The following HLCS variants were observed in gnomAD, a reference collection of about 807,000 sequenced individuals.
HLCS encodes the protein biotin--protein ligase.
In HLCS, 53 loss-of-function variants were observed where a neutral mutation model predicts 75.0. The ratio of observed to expected loss-of-function variants is 0.71; its 90% CI spans 0.57 to 0.89. HLCS has a LOEUF of 0.89. HLCS is among the 40% of genes least tolerant of loss of function. The pLI is 0.00. For missense variants in HLCS, 966 were observed against 1,074.0 expected (o/e 0.90, Z 1.41); for synonymous variants, 431 against 428.6 (o/e 1.01, Z -0.07).
chr21:36,752,948 A>G lies in HLCS; in HGVS notation c.*1298T>C, dbSNP rs896194556. 6.5e-6 allele frequency: 1 copy of G among 152,680 alleles called. No homozygotes were observed. The highest frequency in any genetic ancestry group is 2.4e-5 in the African/African-American group (1 of 41,472). The allele number at this position is 152,680 out of a possible 1,614,324, so 9.5% of individuals were successfully genotyped here. On this transcript the variant is annotated 3_prime_UTR_variant, in exon 11 of 11. Transcript: ENST00000674895. ...ATTTCAGCTGGGACTGGAAGAGAGA[A>G]AACTGGACAAAAATTGGCCTTTTAA...
rs994815888 is a variant in HLCS at position 36,966,468 on chromosome 21, G to A, written c.171C>T (p.Arg57=). The change falls in exon 1 of 11, where the codon CGC becomes CGT. Residue 57 remains arginine, a synonymous_variant. Coordinates refer to ENST00000674895, the MANE Select transcript of HLCS (RefSeq NM_001352514.2). ...CCTGGCTGTCGCTGACGCAGAAGACGCGGCCGCCACGGCTCAGGCACACGC... is the reference window on the plus strand; with the variant it reads ...CCTGGCTGTCGCTGACGCAGAAGACACGGCCGCCACGGCTCAGGCACACGC... ...GARVCLSRGG[R]VFCVSDSQSI... 3.3e-6 allele frequency: 3 copies of A among 904,468 alleles called. No homozygotes were observed. The African/African-American group carries it at 5.6e-5, about 17-fold the overall frequency. 56.0% of individuals were successfully genotyped at this position (904,468 alleles called of 1,614,324 possible).
chr21:36,760,248 C>A (rs777144158), intron 8 of HLCS, among the ~76,000 whole-genome samples: 4 of 152,122 alleles, frequency 2.6e-5, no homozygotes, highest in Non-Finnish European at 5.9e-5. Context: ...CCTTCAGGAA[C>A]CCATGCTTGA....
At position 36,868,251 on chromosome 21, in the gene HLCS, GAA is replaced by G. The variant is rs1491464613; in HGVS notation, c.1892+28607_1892+28608del. Among the ~76,000 whole-genome samples the G allele has an allele frequency of 2.5e-3, 371 of 149,586 alleles. 1 individual carries two copies. Among genetic ancestry groups the G allele is most frequent in the African/African-American group, 8.8e-3 (355 of 40,550 alleles). ...AGAAAGAGAAAGAGAAAGAAAGAAAGAAAGAGAGAAGGAAGGAAGGAAGGAAA... is the reference window on the plus strand; with the variant it reads ...AGAAAGAGAAAGAGAAAGAAAGAAAGAGAGAGAAGGAAGGAAGGAAGGAAA... On this transcript the variant is annotated intron_variant, in intron 6 of 10. Coordinates refer to ENST00000674895, the MANE Select transcript of HLCS (RefSeq NM_001352514.2).
intron 5 of HLCS, among the ~76,000 whole-genome samples, chr21:36,921,008 G>A (rs1334426112): frequency 6.6e-6 from 1 of 151,978 alleles, no homozygotes; most frequent in African/African-American, 2.4e-5. Flanking sequence ...ATTAAAAACA[G>A]GAAGAGGGAT....
intron 6 of HLCS, among the ~76,000 whole-genome samples, chr21:36,797,479 G>A (rs1232117413): frequency 6.6e-6 from 1 of 152,072 alleles, no homozygotes; most frequent in Admixed American, 6.6e-5. Flanking sequence ...TAGTAGAGGG[G>A]AGAACTAATG....
At position 36,936,802 on chromosome 21, in the gene HLCS, G is replaced by C. The variant is rs1459880908; in HGVS notation, c.1084C>G (p.Leu362Val). The change falls in exon 4 of 11, where the codon CTG becomes GTG. Residue 362 changes from leucine to valine, a missense_variant. Transcript: ENST00000674895. The part of the protein sequence containing the change: ...ALRDPWTDNC[L>V]LLVIATRESI... ...TCCCTGGTAGCAATGACCAACAGCA[G>C]ACAGTTGTCCGTCCACGGGTCTCTG... 1 of 1,614,058 alleles carries C rather than the reference G, an allele frequency of 6.2e-7. No homozygotes were observed. The highest frequency in any genetic ancestry group is 8.5e-7 in the Non-Finnish European group (1 of 1,180,040).
At chr21:36,795,700 G>A (rs548576750) in intron 6 of HLCS, among the ~76,000 whole-genome samples, 1 of 152,328 alleles carries the variant, frequency 6.6e-6, no homozygotes, top group South Asian at 2.1e-4. Flanking sequence ...CCTGCCTTAG[G>A]GAGTAAGTTA....
At chr21:36,881,016 G>A (rs866975199) in intron 6 of HLCS, among the ~76,000 whole-genome samples, 1 of 152,030 alleles carries the variant, frequency 6.6e-6, no homozygotes, top group Non-Finnish European at 1.5e-5. Context: ...TGTCACCCAG[G>A]CTGGAGTGCA....
At chr21:36,901,399 T>C (rs1037518946) in intron 5 of HLCS, among the ~76,000 whole-genome samples, 7 of 152,026 alleles carry the variant, frequency 4.6e-5, no homozygotes, top group African/African-American at 1.7e-4. Flanking sequence ...AGAAAGAGGA[T>C]AAGATCCATG....
chr21:36,811,541 T>C (rs1419470364), intron 6 of HLCS, among the ~76,000 whole-genome samples: 1 of 152,232 alleles, frequency 6.6e-6, no homozygotes, highest in Non-Finnish European at 1.5e-5. Flanking sequence ...GCTGTTCTAA[T>C]GCATGTCCCA....
At chr21:36,960,773 G>A (rs1375198177) in intron 2 of HLCS, among the ~76,000 whole-genome samples, 2 of 152,218 alleles carry the variant, frequency 1.3e-5, no homozygotes, top group Admixed American at 6.5e-5. Context: ...ACCCACAAGT[G>A]AGGGGAAGGA....
chr21:36,961,551 C>T (rs536581844), intron 2 of HLCS, among the ~76,000 whole-genome samples: 2 of 152,138 alleles, frequency 1.3e-5, no homozygotes, highest in South Asian at 2.1e-4. Flanking sequence ...CTAGCAGCCA[C>T]ATTAAAAACA....
intron 7 of HLCS, among the ~76,000 whole-genome samples, chr21:36,766,922 C>T (rs2090058079): frequency 6.6e-6 from 1 of 152,152 alleles, no homozygotes; most frequent in South Asian, 2.1e-4. Flanking sequence ...AGCACAGTGA[C>T]GATCCCCAAA....
intron 6 of HLCS, among the ~76,000 whole-genome samples, chr21:36,829,816 G>A (rs905069767): frequency 1.2e-4 from 18 of 152,232 alleles, no homozygotes; most frequent in Middle Eastern, 6.8e-3. Context: ...GCCCTCTCCC[G>A]CAGAGGGAAG....
chr21:36,952,789 CAAAAA>C (rs35700333), intron 2 of HLCS, among the ~76,000 whole-genome samples: 4 of 48,852 alleles, frequency 8.2e-5, no homozygotes, highest in African/African-American at 1.5e-4. Context: ...GACTCCGTCT[CAAAAA>C]AAAAAAAAAA....
At chr21:36,983,866 C>T (rs1438364895) in intron 1 of HLCS, among the ~76,000 whole-genome samples, 1 of 151,190 alleles carries the variant, frequency 6.6e-6, no homozygotes, top group Non-Finnish European at 1.5e-5. Context: ...TTTTTTAAGA[C>T]AGGGTATATC....
rs141963819 is a variant in HLCS, at chr21:36,936,738, T to C, written c.1148A>G (p.Tyr383Cys). 5.2e-5 allele frequency: 84 copies of C among 1,614,220 alleles called. No individual in the cohort carries two copies. The highest frequency in any genetic ancestry group is 3.3e-4 in the Middle Eastern group (2 of 6,062). The change falls in exon 4 of 11, where the codon TAT (tyrosine) becomes TGT (cysteine). Residue 383 changes from tyrosine to cysteine, a missense_variant. Physicochemically the swap from Tyr to Cys is radical, Grantham distance 194 (BLOSUM62 -2). Transcript: ENST00000674895. ...CAACACCTTCCCTCCCTGAGAAAGA[T>C]AGGCCATGAACTTCTGGTACAGGTC... is the stretch of plus-strand genomic sequence containing the variant. ...PEDLYQKFMA[Y>C]LSQGGKVLGL...
intron 6 of HLCS, among the ~76,000 whole-genome samples, chr21:36,772,603 C>T (rs540550733): frequency 9.7e-4 from 140 of 144,532 alleles, no homozygotes; most frequent in African/African-American, 3.5e-3. Flanking sequence ...CATGCCACTG[C>T]ACTCCAGCCT....
intron 6 of HLCS, among the ~76,000 whole-genome samples, chr21:36,856,065 G>C (rs185039741): frequency 4.1e-4 from 63 of 152,236 alleles, no homozygotes; most frequent in African/African-American, 1.4e-3. Flanking sequence ...GCTGGTGGGT[G>C]GGGGGCAGGG....
Sources: gnomAD v4.1 joint callset for allele counts (sites outside exome capture counted in the v4.1 genomes callset) on GRCh38, gnomAD v4.1.1 for gene constraint, MANE v1.5 for transcripts, NCBI Gene and HGNC (gene_info 2026-07-23, HGNC 2026-07-21) for gene names.